Variants in RPA3 observed in about 807,000 individuals in gnomAD.
RPA3 encodes replication protein A3.
Under a neutral mutation model 13.7 loss-of-function variants are expected in RPA3, and 24 were observed. The observed-to-expected ratio is 1.75, with a 90% CI of 1.27 to 2.46. The LOEUF is 2.46. RPA3 is among the 30% of genes most tolerant of loss of function. The pLI is 0.00. For synonymous variants in RPA3, 59 were observed against 51.2 expected, an observed-to-expected ratio of 1.15 and a Z score of -0.65; for missense variants, 183 against 151.0, an observed-to-expected ratio of 1.21 and a Z score of -1.11.
At chr7:7,648,517 T>G (rs1299620497) in intron 4 of RPA3, among the ~76,000 whole-genome samples, 1 of 152,198 alleles carries the variant, frequency 6.6e-6, no homozygotes, top group Non-Finnish European at 1.5e-5. Flanking sequence ...GTCTATGTAG[T>G]GTTGCTATTA....
At chr7:7,710,403 G>A (rs1280106119) in intron 2 of RPA3, among the ~76,000 whole-genome samples, 1 of 152,026 alleles carries the variant, frequency 6.6e-6, no homozygotes, top group South Asian at 2.1e-4. Context: ...TAGAAAATGG[G>A]CAAAAGACAT....
At chr7:7,713,918 T>G (rs1256136712) in intron 2 of RPA3, among the ~76,000 whole-genome samples, 1 of 152,166 alleles carries the variant, frequency 6.6e-6, no homozygotes, top group Non-Finnish European at 1.5e-5. Flanking sequence ...CACTGCAGCC[T>G]CGACCTCCTA....
chr7:7,663,298 C>CTTTGTTTTTG (rs59932473), intron 4 of RPA3, among the ~76,000 whole-genome samples: 89,944 of 151,438 alleles, frequency 0.59, 26,849 homozygotes, highest in East Asian at 0.8. Context: ...CTTTGTTTTT[C>CTTTGTTTTTG]TTTCATTTTT....
At chr7:7,694,456 C>G (rs554878188) in intron 2 of RPA3, among the ~76,000 whole-genome samples, 6 of 152,196 alleles carry the variant, frequency 3.9e-5, no homozygotes, top group African/African-American at 9.6e-5. Context: ...GTTGTGCTAT[C>G]AAATGCCAGA....
At chr7:7,657,926 G>C (rs1423987571) in intron 4 of RPA3, among the ~76,000 whole-genome samples, 3 of 152,152 alleles carry the variant, frequency 2.0e-5, no homozygotes, top group Non-Finnish European at 4.4e-5. Flanking sequence ...TCATGATATT[G>C]ATTCTTCCTA....
At chr7:7,682,693 T>C (rs943955710) in intron 4 of RPA3, among the ~76,000 whole-genome samples, 3 of 152,236 alleles carry the variant, frequency 2.0e-5, no homozygotes, top group Admixed American at 6.5e-5. Context: ...TTAGAGTGTT[T>C]ATGGATTAAA....
chr7:7,680,641 T>C (rs1779885898), intron 4 of RPA3, among the ~76,000 whole-genome samples: 1 of 152,144 alleles, frequency 6.6e-6, no homozygotes, highest in South Asian at 2.1e-4. Flanking sequence ...GTATGGACAT[T>C]TTAACAATAC....
intron 2 of RPA3, among the ~76,000 whole-genome samples, chr7:7,714,748 C>T (rs921246974): frequency 3.3e-5 from 5 of 151,562 alleles, no homozygotes; most frequent in Non-Finnish European, 5.9e-5. Flanking sequence ...AAGGTTAAAG[C>T]AAGTAACAGG....
At chr7:7,687,660 G>A (rs28912728) in intron 2 of RPA3, among the ~76,000 whole-genome samples, 1 of 152,270 alleles carries the variant, frequency 6.6e-6, no homozygotes, top group East Asian at 1.9e-4. Context: ...CCAAACTCTG[G>A]TTGTCAGTTA....
chr7:7,675,777 A>G (rs1779724232), intron 4 of RPA3, among the ~76,000 whole-genome samples: 1 of 152,182 alleles, frequency 6.6e-6, no homozygotes, highest in Non-Finnish European at 1.5e-5. Flanking sequence ...TCGTAGTTCC[A>G]GGATAGCAGT....
intron 2 of RPA3, among the ~76,000 whole-genome samples, chr7:7,688,324 G>C (rs1360210873): frequency 6.6e-6 from 1 of 152,022 alleles, no homozygotes; most frequent in Non-Finnish European, 1.5e-5. Flanking sequence ...TATCTCATTG[G>C]GTACCTTTAC....
chr7:7,717,629 A>G (rs1780951934), intron 1 of RPA3, among the ~76,000 whole-genome samples: 1 of 151,918 alleles, frequency 6.6e-6, no homozygotes. Context: ...CATGGCCTCT[A>G]TTTATTTAAT....
chr7:7,665,525 AC>A (rs2115096976), intron 4 of RPA3, among the ~76,000 whole-genome samples: 1 of 152,322 alleles, frequency 6.6e-6, no homozygotes, highest in African/African-American at 2.4e-5. Flanking sequence ...TTTTTAAAGA[AC>A]TTTATTGAGA....
intron 5 of RPA3, chr7:7,639,925 G>T (rs1784926042): frequency 4.2e-6 from 1 of 240,212 alleles, no homozygotes; most frequent in African/African-American, 2.4e-5. Context: ...TCACAACGAG[G>T]AAACGAGGTT....
intron 2 of RPA3, among the ~76,000 whole-genome samples, chr7:7,710,815 A>T (rs1312961924): frequency 2.6e-5 from 4 of 152,202 alleles, no homozygotes; most frequent in Admixed American, 2.6e-4. Flanking sequence ...GTGAATGGTT[A>T]AATCTATGGT....
At chr7:7,695,513 C>T (rs2115144651) in intron 2 of RPA3, among the ~76,000 whole-genome samples, 1 of 152,250 alleles carries the variant, frequency 6.6e-6, no homozygotes, top group Non-Finnish European at 1.5e-5. Flanking sequence ...TTGTTACTTT[C>T]AGGCATAGAA....
chr7:7,670,266 C>G (rs1394723247), intron 4 of RPA3, among the ~76,000 whole-genome samples: 2 of 152,140 alleles, frequency 1.3e-5, no homozygotes, highest in Non-Finnish European at 2.9e-5. Flanking sequence ...TGTGGCCAGA[C>G]ATCAAAAGGC....
chr7:7,640,269 T>A, intron 5 of RPA3, 51 bp downstream of exon 5: 1 of 1,570,188 alleles, frequency 6.4e-7, no homozygotes, highest in Non-Finnish European at 8.8e-7. Context: ...CCAGGCGGGG[T>A]CCCTCCCTCC....
At chr7:7,717,841 A>C (rs1583770803) in intron 1 of RPA3, among the ~76,000 whole-genome samples, 1 of 152,316 alleles carries the variant, frequency 6.6e-6, no homozygotes, top group Non-Finnish European at 1.5e-5. Flanking sequence ...TTTATGCTTA[A>C]GTTTATGATT....
Sources: gnomAD v4.1 joint callset for allele counts (sites outside exome capture counted in the v4.1 genomes callset) on GRCh38, gnomAD v4.1.1 for gene constraint, MANE v1.5 for transcripts, NCBI Gene and HGNC (gene_info 2026-07-23, HGNC 2026-07-21) for gene names.